Variants in CFTR observed in about 807,000 individuals in gnomAD.
CFTR encodes the protein CF transmembrane conductance regulator.
CFTR carries 181 observed loss-of-function variants against 171.6 expected under a neutral mutation model. That is an observed-to-expected ratio of 1.05 (90% CI 0.93 to 1.19). The LOEUF (loss-of-function observed/expected upper bound fraction) is 1.19, where lower values mean the gene tolerates loss of function less well. Ranked by LOEUF, CFTR falls within the 50% of genes most tolerant of loss-of-function variation. The pLI is 0.00. For missense variants in CFTR, 1,968 were observed against 1,734.7 expected (o/e 1.13, Z -2.39); for synonymous variants, 583 against 608.0 (o/e 0.96, Z 0.60).
intron 21 of CFTR, 25 bp from the exon 22 acceptor site, chr7:117,627,497 A>C: frequency 6.2e-7 from 1 of 1,612,282 alleles, no homozygotes; most frequent in Non-Finnish European, 8.5e-7. Context: ...TCTTAAAAAC[A>C]AAAATGTTGT....
intron 3 of CFTR, among the ~76,000 whole-genome samples, chr7:117,530,425 C>G (rs1209187483): frequency 6.6e-6 from 1 of 152,028 alleles, no homozygotes; most frequent in Non-Finnish European, 1.5e-5. Flanking sequence ...TACATCAGGT[C>G]ACTTGGTCTG....
chr7:117,565,139 C>A (rs1791579619), intron 11 of CFTR, among the ~76,000 whole-genome samples: 1 of 152,286 alleles, frequency 6.6e-6, no homozygotes, highest in Middle Eastern at 3.4e-3. Flanking sequence ...ACTTATCCTA[C>A]CATTTTTCTT....
intron 24 of CFTR, among the ~76,000 whole-genome samples, chr7:117,653,962 TAGAAA>T (rs1437128174): frequency 1.3e-5 from 2 of 151,930 alleles, no homozygotes; most frequent in African/African-American, 2.4e-5. Flanking sequence ...AAAAGAGAAA[TAGAAA>T]AGAAAAAAGG....
chr7:117,614,825 A>G, intron 21 of CFTR, 112 bp downstream of exon 21: 1 of 732,838 alleles, frequency 1.4e-6, no homozygotes, highest in South Asian at 1.5e-5. Flanking sequence ...AAGAAATAAA[A>G]CATTACAGAT....
At chr7:117,565,368 C>T (rs921739998) in intron 11 of CFTR, among the ~76,000 whole-genome samples, 3 of 152,182 alleles carry the variant, frequency 2.0e-5, no homozygotes, top group Admixed American at 1.3e-4. Flanking sequence ...TTCTCCTGCA[C>T]TTGACAATAC....
At chr7:117,514,466 C>A (rs980235351) in intron 3 of CFTR, among the ~76,000 whole-genome samples, 1 of 152,102 alleles carries the variant, frequency 6.6e-6, no homozygotes, top group Non-Finnish European at 1.5e-5. Context: ...GCTTCATCCA[C>A]GTCCCTGCAA....
At chr7:117,546,352 C>G (rs1212120399) in intron 9 of CFTR, among the ~76,000 whole-genome samples, 2 of 152,016 alleles carry the variant, frequency 1.3e-5, no homozygotes, top group Non-Finnish European at 1.5e-5. Flanking sequence ...CCAGGCTGGT[C>G]TTGAACTCCT....
intron 15 of CFTR, 93 bp from the exon 16 acceptor site, chr7:117,602,733 C>T: frequency 2.0e-6 from 2 of 1,012,482 alleles, no homozygotes; most frequent in Middle Eastern, 2.0e-4. Flanking sequence ...TTGGTACACA[C>T]ATCAAATGGT....
At chr7:117,617,316 C>T (rs1263892585) in intron 21 of CFTR, among the ~76,000 whole-genome samples, 1 of 151,274 alleles carries the variant, frequency 6.6e-6, no homozygotes, top group East Asian at 1.9e-4. Context: ...GGTGCTTATG[C>T]CCAAGTGCCT....
intron 11 of CFTR, among the ~76,000 whole-genome samples, chr7:117,563,924 T>A (rs1791556697): frequency 6.6e-6 from 1 of 152,160 alleles, no homozygotes; most frequent in African/African-American, 2.4e-5. Flanking sequence ...ATTTCCTACA[T>A]TTCTTGTATT....
Position 117,535,135 on chromosome 7 carries a change from G to T in CFTR, c.580-113G>T, listed in dbSNP as rs193069714. ...TAGATTTTAGTGTGCTCAGAACCAC[G>T]AAGTGTTTGATCATATAAGCTCCTT... On this transcript the variant is annotated intron_variant, in intron 5 of 26. Transcript: ENST00000003084. The T allele has an allele frequency of 5.6e-5, 62 of 1,106,334 alleles. 1 individual carries two copies. The Middle Eastern group carries it at 1.2e-3, about 21-fold the overall frequency. 68.5% of individuals were successfully genotyped at this position (1,106,334 alleles called of 1,614,324 possible).
At chr7:117,644,440 A>C (rs956913047) in intron 23 of CFTR, among the ~76,000 whole-genome samples, 3 of 151,718 alleles carry the variant, frequency 2.0e-5, no homozygotes, top group Non-Finnish European at 2.9e-5. Flanking sequence ...AGGAAGAAGG[A>C]ATTAAAAATC....
Position 117,602,826 on chromosome 7 carries a change from G to C in CFTR, c.2620G>C (p.Val874Leu), listed in dbSNP as rs773943545. The C allele has an allele frequency of 6.2e-7, 1 of 1,613,860 alleles. No homozygotes were observed. Among genetic ancestry groups the C allele is most frequent in the South Asian group, 1.1e-5 (1 of 91,080 alleles). ...TCAACTGTGTCTTGTTCCATTCCAG[G>C]TGGCTGCTTCTTTGGTTGTGCTGTG... ...IWCLVIFLAE[V>L]AASLVVLWLL... Residue 874 changes from valine to leucine, a missense_variant and splice_region_variant, in exon 16 of 27, where the codon GTG becomes CTG. Transcript: ENST00000003084.
At position 117,640,799 on chromosome 7, in the gene CFTR, A is replaced by G. The variant is rs541422324; in HGVS notation, c.3718-1639A>G. 2.8e-4 allele frequency among the ~76,000 whole-genome samples: 42 copies of G among 152,296 alleles called. No individual in the cohort carries two copies. In the South Asian group the frequency reaches 8.5e-3, roughly 31 times the overall value. ...CAATTGAACAAAATTGATTAAATCC[A>G]TTATTTGTTAGATCAGCTAAATTAC... On this transcript the variant is annotated intron_variant, in intron 22 of 26. Transcript: ENST00000003084.
At chr7:117,631,699 A>G (rs1270296675) in intron 22 of CFTR, among the ~76,000 whole-genome samples, 1 of 152,172 alleles carries the variant, frequency 6.6e-6, no homozygotes, top group Non-Finnish European at 1.5e-5. Flanking sequence ...TCATTTTGCT[A>G]TGCATCTCTC....
intron 1 of CFTR, among the ~76,000 whole-genome samples, chr7:117,498,259 G>C (rs1040983864): frequency 2.6e-5 from 4 of 152,076 alleles, no homozygotes; most frequent in African/African-American, 9.7e-5. Flanking sequence ...CAAGTCCCTT[G>C]GTAAAATTAA....
intron 24 of CFTR, among the ~76,000 whole-genome samples, chr7:117,655,431 A>G (rs966808777): frequency 6.6e-6 from 1 of 152,124 alleles, no homozygotes; most frequent in Non-Finnish European, 1.5e-5. Flanking sequence ...CCTCATTTCC[A>G]TCTGAAAACC....
At chr7:117,510,394 A>G (rs1798495674) in intron 3 of CFTR, among the ~76,000 whole-genome samples, 1 of 152,206 alleles carries the variant, frequency 6.6e-6, no homozygotes, top group Admixed American at 6.5e-5. Flanking sequence ...TATGGAGTAC[A>G]GTTCACTCTG....
intron 11 of CFTR, 151 bp from the exon 12 acceptor site, chr7:117,587,588 C>T: frequency 1.8e-6 from 1 of 553,832 alleles, no homozygotes; most frequent in Non-Finnish European, 3.2e-6. Context: ...AAATAAATTG[C>T]ATTTGAAATA....
Sources: gnomAD v4.1 joint callset for allele counts (sites outside exome capture counted in the v4.1 genomes callset) on GRCh38, gnomAD v4.1.1 for gene constraint, MANE v1.5 for transcripts, NCBI Gene and HGNC (gene_info 2026-07-23, HGNC 2026-07-21) for gene names.